DNAH9: variants seen among roughly 807,000 people sequenced by gnomAD.
The protein encoded by DNAH9 is DNAH9 variant protein.
DNAH9 carries 345 observed loss-of-function variants against 471.6 expected under a neutral mutation model. The observed-to-expected ratio is 0.73, with a 90% CI of 0.67 to 0.80. The LOEUF (loss-of-function observed/expected upper bound fraction) is 0.80, where lower values mean the gene tolerates loss of function less well. Ranked by LOEUF, DNAH9 falls within the 30% of genes least tolerant of loss-of-function variation. The pLI is 0.00. For synonymous variants in DNAH9, 2,093 were observed against 2,123.6 expected (o/e 0.99, Z 0.40); for missense variants, 5,407 against 5,609.2 (o/e 0.96, Z 1.15).
chr17:11,719,210 A>G (rs2150801339), intron 26 of DNAH9, 124 bp from the exon 27 acceptor site: 2 of 938,796 alleles, frequency 2.1e-6, no homozygotes, highest in Non-Finnish European at 3.1e-6. Context: ...GGGGAGCGGG[A>G]AAAAGGGGCA....
At chr17:11,632,500 C>G (rs2073088951) in intron 7 of DNAH9, 87 bp from the exon 8 acceptor site, 1 of 705,150 alleles carries the variant, frequency 1.4e-6, no homozygotes, top group Non-Finnish European at 2.6e-6. Context: ...ATAACCAGTT[C>G]AAACACAAAA....
chr17:11,929,987 G>T lies in DNAH9; in HGVS notation c.11999G>T (p.Gly4000Val). ...MSAEPAPSPE[G>V]HIIPQGILEN... is the part of the protein sequence containing the mutation. Reference sequence around the variant, plus strand: ...GCAGAGCCAGCACCCTCCCCTGAGGGCCACATCATCCCCCAGGGCATCCTG... The same window carrying T: ...GCAGAGCCAGCACCCTCCCCTGAGGTCCACATCATCCCCCAGGGCATCCTG... Residue 4000 changes from glycine (G) to valine (V), a missense_variant, in exon 63 of 69, where the codon GGC becomes GTC. Gly to Val is a moderately radical substitution (Grantham distance 109). This residue lies in a region of DNAH9 where 4,636 missense variants were observed against 4,900.3 expected (regional missense o/e 0.95). Coordinates refer to ENST00000262442, the MANE Select transcript of DNAH9 (RefSeq NM_001372.4). 6.2e-7 allele frequency: 1 copy of T among 1,614,048 alleles called. No homozygotes were observed. Among genetic ancestry groups the T allele is most frequent in the Non-Finnish European group, 8.5e-7 (1 of 1,180,004 alleles).
At position 11,776,701 on chromosome 17, in the gene DNAH9, C is replaced by T. The variant is rs1007424564; in HGVS notation, c.7553-4308C>T. Among the ~76,000 whole-genome samples, 12 of 152,282 alleles carry T rather than the reference C, an allele frequency of 7.9e-5. No homozygotes were observed. In the East Asian group the frequency reaches 1.5e-3, roughly 20 times the overall value. ...ATACATCTTAATTTTCATAATAGAA[C>T]GCCAACTCTGCTTCCACTCATCTGA... On this transcript the variant is annotated intron_variant, in intron 38 of 68. Transcript: ENST00000262442.
At chr17:11,956,328 G>A (rs148972292) in intron 67 of DNAH9, among the ~76,000 whole-genome samples, 37 of 152,000 alleles carry the variant, frequency 2.4e-4, no homozygotes, top group East Asian at 7.7e-4. Context: ...ATAACAAAGC[G>A]TCAAAATACA....
At chr17:11,814,520 T>G (rs1970027314) in intron 45 of DNAH9, among the ~76,000 whole-genome samples, 1 of 152,246 alleles carries the variant, frequency 6.6e-6, no homozygotes, top group African/African-American at 2.4e-5. Flanking sequence ...GCTAGATGAC[T>G]TTCTATGTAT....
Position 11,854,101 on chromosome 17 carries a change from G to A in DNAH9, c.9606G>A (p.Val3202=), listed in dbSNP as rs932998331. ...TACTGATGGCTCCCAGGGGTAGGGTGCCCAAGGACCGGAGCTGGAAGGCTG... is the reference window on the plus strand; with the variant it reads ...TACTGATGGCTCCCAGGGGTAGGGTACCCAAGGACCGGAGCTGGAAGGCTG... ...VMVLMAPRGR[V]PKDRSWKAAK... Residue 3202 remains valine, a synonymous_variant, in exon 50 of 69, where the codon GTG becomes GTA. Coordinates refer to ENST00000262442, the MANE Select transcript of DNAH9 (RefSeq NM_001372.4). The A allele has an allele frequency of 6.2e-7, 1 of 1,614,156 alleles. No individual in the cohort carries two copies. The highest frequency in any genetic ancestry group is 8.5e-7 in the Non-Finnish European group (1 of 1,180,030).
intron 51 of DNAH9, 85 bp from the exon 52 acceptor site, chr17:11,871,513 A>G: frequency 8.2e-7 from 1 of 1,226,034 alleles, no homozygotes; most frequent in Non-Finnish European, 1.2e-6. Flanking sequence ...TGAAGCGTGC[A>G]GCGGGCGCTC....
intron 36 of DNAH9, among the ~76,000 whole-genome samples, chr17:11,767,099 A>C (rs1319894287): frequency 6.6e-6 from 1 of 152,196 alleles, no homozygotes; most frequent in African/African-American, 2.4e-5. Flanking sequence ...CAGGAAGGTG[A>C]GACAATGTCG....
At chr17:11,745,310 C>A (rs1367655618) in intron 31 of DNAH9, among the ~76,000 whole-genome samples, 6 of 152,194 alleles carry the variant, frequency 3.9e-5, no homozygotes, top group South Asian at 2.1e-4. Context: ...TACAGCCCTT[C>A]CATTCTGTTT....
intron 50 of DNAH9, among the ~76,000 whole-genome samples, chr17:11,860,289 CT>C (rs1372203829): frequency 6.6e-6 from 1 of 152,164 alleles, no homozygotes; most frequent in Non-Finnish European, 1.5e-5. Flanking sequence ...TCCATTATTT[CT>C]AAACTTTCCA....
Position 11,733,831 on chromosome 17 carries a change from A to G in DNAH9, c.5815-5049A>G, listed in dbSNP as rs569263904. Among the ~76,000 whole-genome samples, 107 of 140,198 alleles carry G rather than the reference A, an allele frequency of 7.6e-4. 1 individual carries two copies. Among genetic ancestry groups the G allele is most frequent in the African/African-American group, 2.4e-3 (86 of 36,514 alleles). 92.0% of individuals were successfully genotyped at this position (140,198 alleles called of 152,430 possible). ...AGCCGAGATCGTGCCACTACACTCC[A>G]GCCTGGGCAACAGAGCAAGACTCCA... On this transcript the variant is annotated intron_variant, in intron 28 of 68. Coordinates refer to ENST00000262442, the MANE Select transcript of DNAH9 (RefSeq NM_001372.4).
At chr17:11,924,079 C>A in intron 62 of DNAH9, 138 bp downstream of exon 62, 1 of 1,291,500 alleles carries the variant, frequency 7.7e-7, no homozygotes, top group Non-Finnish European at 1.1e-6. Context: ...TTCATCTTCT[C>A]TCTTTCCAGT....
At chr17:11,603,410 A>G (rs918330695) in intron 1 of DNAH9, among the ~76,000 whole-genome samples, 2 of 152,222 alleles carry the variant, frequency 1.3e-5, no homozygotes, top group Admixed American at 6.5e-5. Flanking sequence ...CGAGAATAAC[A>G]AGTCCACGAA....
intron 28 of DNAH9, among the ~76,000 whole-genome samples, chr17:11,732,482 C>T (rs2075284649): frequency 6.6e-6 from 1 of 151,962 alleles, no homozygotes; most frequent in African/African-American, 2.4e-5. Flanking sequence ...CCCTCTCCTC[C>T]TCTCCACTGC....
rs1567568385 is a variant in DNAH9, at chr17:11,945,476, TGCAG to T, written c.12843+2992_12843+2995del. Among the ~76,000 whole-genome samples, 3 of 148,822 alleles carry T rather than the reference TGCAG, an allele frequency of 2.0e-5. No individual in the cohort carries two copies. The Admixed American group carries it at 2.0e-4, about 10-fold the overall frequency. ...CGCTTTAACCTGGGATGCTATAACCTGCAGTGAGCCGACACTGTGACACTGCACT... is the reference window on the plus strand; with the variant it reads ...CGCTTTAACCTGGGATGCTATAACCTTGAGCCGACACTGTGACACTGCACT... On this transcript the variant is annotated intron_variant, in intron 67 of 68. Coordinates refer to ENST00000262442, the MANE Select transcript of DNAH9 (RefSeq NM_001372.4).
chr17:11,953,193 G>A (rs948040656), intron 67 of DNAH9, among the ~76,000 whole-genome samples: 4 of 152,144 alleles, frequency 2.6e-5, no homozygotes, highest in African/African-American at 7.2e-5. Context: ...AGTCCGTAGA[G>A]GGGGTTTTCT....
At chr17:11,735,771 GT>G in intron 28 of DNAH9, among the ~76,000 whole-genome samples, 1 of 152,170 alleles carries the variant, frequency 6.6e-6, no homozygotes, top group Non-Finnish European at 1.5e-5. Context: ...TTTGTGGAAA[GT>G]ATGCCTCTAA....
intron 61 of DNAH9, among the ~76,000 whole-genome samples, chr17:11,913,474 T>C (rs765246205): frequency 1.3e-5 from 2 of 152,072 alleles, no homozygotes; most frequent in Non-Finnish European, 2.9e-5. Flanking sequence ...ATGTTATAAC[T>C]AAATGCTATT....
chr17:11,621,984 G>T (rs1040044880), intron 6 of DNAH9, among the ~76,000 whole-genome samples: 1 of 151,986 alleles, frequency 6.6e-6, no homozygotes, highest in South Asian at 2.1e-4. Flanking sequence ...TACTCAGGAG[G>T]CTGAGGCAGG....
Sources: gnomAD v4.1 joint callset for allele counts (sites outside exome capture counted in the v4.1 genomes callset) on GRCh38, gnomAD v4.1.1 for gene constraint, gnomAD v4.1.1 regional missense constraint, MANE v1.5 for transcripts, NCBI Gene and HGNC (gene_info 2026-07-23, HGNC 2026-07-21) for gene names.